VAV2: variants seen among roughly 807,000 people sequenced by gnomAD.
The protein encoded by VAV2 is vav guanine nucleotide exchange factor 2.
VAV2 carries 67 observed loss-of-function variants against 132.5 expected under a neutral mutation model. The ratio of observed to expected loss-of-function variants is 0.51; its 90% CI spans 0.42 to 0.62. The LOEUF (loss-of-function observed/expected upper bound fraction) is 0.62. Among genes scored for constraint, VAV2 ranks in the 20% least tolerant of loss-of-function variants. The probability of loss-of-function intolerance (pLI) is 0.00; values close to 1 mark genes in which losing one functional copy is unlikely to be tolerated. For synonymous variants in VAV2, 492 were observed against 443.5 expected (o/e 1.11, Z -1.37); for missense variants, 938 against 1,153.6 (o/e 0.81, Z 2.71).
At chr9:133,825,342 T>C (rs1257828587) in intron 4 of VAV2, among the ~76,000 whole-genome samples, 3 of 151,888 alleles carry the variant, frequency 2.0e-5, no homozygotes, top group Non-Finnish European at 4.4e-5. Flanking sequence ...TGTCAACACC[T>C]CCTCTGGGGA....
chr9:133,897,038 G>A (rs1839235733), intron 2 of VAV2, among the ~76,000 whole-genome samples: 1 of 152,136 alleles, frequency 6.6e-6, no homozygotes, highest in Non-Finnish European at 1.5e-5. Context: ...AGCTTGCAGT[G>A]AGCCGACATC....
At chr9:133,770,341 G>C in intron 27 of VAV2, 37 bp downstream of exon 27, 3 of 1,612,540 alleles carry the variant, frequency 1.9e-6, no homozygotes, top group Non-Finnish European at 2.5e-6. Flanking sequence ...AGACCCCTCC[G>C]AGGAGTGCTG....
intron 4 of VAV2, among the ~76,000 whole-genome samples, chr9:133,814,546 T>A (rs1228483077): frequency 6.6e-6 from 1 of 152,216 alleles, no homozygotes; most frequent in Non-Finnish European, 1.5e-5. Flanking sequence ...CGTCAGCTTT[T>A]CTCCAACAGG....
chr9:133,979,797 C>T (rs2132286316), intron 1 of VAV2, among the ~76,000 whole-genome samples: 1 of 152,350 alleles, frequency 6.6e-6, no homozygotes, highest in African/African-American at 2.4e-5. Flanking sequence ...AGCACAGGTG[C>T]TAGTGGTGAG....
intron 2 of VAV2, among the ~76,000 whole-genome samples, chr9:133,930,359 T>TGCTGCCTCCTGGCCTC (rs1840637620): frequency 7.9e-4 from 4 of 5,092 alleles, no homozygotes; most frequent in African/African-American, 1.0e-3. Flanking sequence ...CCTGGCCTCT[T>TGCTGCCTCCTGGCCTC]CACTACCCTC....
At chr9:133,796,696 G>GC (rs1276872616) in intron 10 of VAV2, among the ~76,000 whole-genome samples, 172 bp from the exon 11 acceptor site, 5 of 144,646 alleles carry the variant, frequency 3.5e-5, no homozygotes, top group African/African-American at 1.2e-4. Flanking sequence ...TGTGTGCAGA[G>GC]GGGGGGGCTT....
intron 3 of VAV2, among the ~76,000 whole-genome samples, chr9:133,859,655 C>A (rs530705260): frequency 6.0e-4 from 90 of 150,584 alleles, no homozygotes; most frequent in Non-Finnish European, 1.1e-3. Context: ...AAAAAAAAAA[C>A]AGGCTGGGGA....
intron 2 of VAV2, among the ~76,000 whole-genome samples, chr9:133,893,717 G>A (rs563282982): frequency 1.3e-5 from 2 of 152,324 alleles, no homozygotes; most frequent in East Asian, 3.9e-4. Flanking sequence ...TTCATTGCCT[G>A]AACCTCGGAG....
At chr9:133,785,270 T>A (rs1443339900) in intron 17 of VAV2, among the ~76,000 whole-genome samples, 1 of 152,172 alleles carries the variant, frequency 6.6e-6, no homozygotes, top group Non-Finnish European at 1.5e-5. Context: ...CTGCTGGCCC[T>A]CCAGGGTCCG....
In VAV2 at chr9:133,807,136, C is replaced by T. The variant is rs552231285; in HGVS notation, c.735+122G>A. On this transcript the variant is annotated intron_variant, in intron 8 of 29. Transcript: ENST00000371850. ...TGGGGGCTCCTCCTTCCGGCCAGCACGAGCCACCACGGAGCCACAGGGGTG... is the reference window on the plus strand; with the variant it reads ...TGGGGGCTCCTCCTTCCGGCCAGCATGAGCCACCACGGAGCCACAGGGGTG... The T allele has an allele frequency of 4.1e-5, 48 of 1,164,362 alleles. No individual in the cohort carries two copies. The East Asian group carries it at 4.9e-4, about 12-fold the overall frequency. 72.1% of individuals were successfully genotyped at this position (1,164,362 alleles called of 1,614,324 possible).
At chr9:133,873,906 GCTCGTCT>G (rs1838158797) in intron 2 of VAV2, among the ~76,000 whole-genome samples, 2 of 152,318 alleles carry the variant, frequency 1.3e-5, no homozygotes, top group South Asian at 4.1e-4. Flanking sequence ...GGAGCCTGAG[GCTCGTCT>G]CTCCCAGACA....
chr9:133,893,780 G>A (rs1319724694), intron 2 of VAV2, among the ~76,000 whole-genome samples: 7 of 152,194 alleles, frequency 4.6e-5, no homozygotes, highest in Non-Finnish European at 5.9e-5. Flanking sequence ...GCCCAGCATC[G>A]CAGCAAGTGG....
At chr9:133,985,438 C>T (rs1269292548) in intron 1 of VAV2, among the ~76,000 whole-genome samples, 1 of 152,138 alleles carries the variant, frequency 6.6e-6, no homozygotes, top group Non-Finnish European at 1.5e-5. Context: ...TGTGCCACCA[C>T]CCCCGGCTAA....
chr9:133,867,296 C>G (rs1382791701), intron 2 of VAV2, among the ~76,000 whole-genome samples: 1 of 152,232 alleles, frequency 6.6e-6, no homozygotes, highest in Non-Finnish European at 1.5e-5. Context: ...CCAGGTGGTG[C>G]GTGCGCAACT....
chr9:133,875,107 C>T (rs575201460), intron 2 of VAV2, among the ~76,000 whole-genome samples: 1 of 152,340 alleles, frequency 6.6e-6, no homozygotes, highest in East Asian at 1.9e-4. Flanking sequence ...AGACTGAGCG[C>T]TTCACGGGAT....
At chr9:133,964,948 C>CTAGTACTTATTCAACTG (rs750787059) in intron 1 of VAV2, among the ~76,000 whole-genome samples, 6 of 152,048 alleles carry the variant, frequency 3.9e-5, no homozygotes, top group Non-Finnish European at 7.4e-5. Flanking sequence ...TCTTATTCAA[C>CTAGTACTTATTCAACTG]GTAGTACTAG....
At chr9:133,989,519 CAA>C (rs766612017) in intron 1 of VAV2, among the ~76,000 whole-genome samples, 23 of 75,758 alleles carry the variant, frequency 3.0e-4, no homozygotes, top group Middle Eastern at 7.0e-3. Context: ...GACTCTATCT[CAA>C]AAAAAAAAAA....
chr9:133,828,812 C>T (rs982184884), intron 4 of VAV2, among the ~76,000 whole-genome samples: 2 of 152,244 alleles, frequency 1.3e-5, no homozygotes, highest in Non-Finnish European at 2.9e-5. Flanking sequence ...AGATGGGGAG[C>T]CCCACCTTGC....
At chr9:133,974,438 GCA>G (rs1842441130) in intron 1 of VAV2, among the ~76,000 whole-genome samples, 2 of 152,182 alleles carry the variant, frequency 1.3e-5, no homozygotes, top group Non-Finnish European at 2.9e-5. Flanking sequence ...GCACAAAGCA[GCA>G]CAGTCACATC....
Sources: allele counts gnomAD v4.1 joint callset (sites outside exome capture counted in the v4.1 genomes callset), GRCh38; gene constraint gnomAD v4.1.1; transcripts MANE v1.5; gene names NCBI Gene and HGNC (gene_info 2026-07-23, HGNC 2026-07-21).